The following GSE1 variants were observed in gnomAD, a reference collection of about 807,000 sequenced individuals.
GSE1 encodes the protein genetic suppressor element 1.
GSE1 carries 32 observed loss-of-function variants against 112.6 expected under a neutral mutation model. The ratio of observed to expected loss-of-function variants is 0.28; its 90% CI spans 0.21 to 0.38. The LOEUF (loss-of-function observed/expected upper bound fraction) is 0.38, where lower values mean the gene tolerates loss of function less well. Among genes scored for constraint, GSE1 ranks in the 10% least tolerant of loss-of-function variants. The pLI is 1.00. For missense variants in GSE1, 2,348 were observed against 1,699.2 expected, an observed-to-expected ratio of 1.38 and a Z score of -6.71; for synonymous variants, 1,115 against 735.6, an observed-to-expected ratio of 1.52 and a Z score of -8.35.
intron 3 of GSE1, among the ~76,000 whole-genome samples, chr16:85,650,255 C>A (rs913613283): frequency 6.6e-6 from 1 of 152,148 alleles, no homozygotes; most frequent in Non-Finnish European, 1.5e-5. Flanking sequence ...GGAGTTGTTA[C>A]CAGCTCCGCT....
intron 2 of GSE1, among the ~76,000 whole-genome samples, chr16:85,498,477 G>A (rs556990981): frequency 1.3e-5 from 2 of 152,180 alleles, no homozygotes; most frequent in East Asian, 3.9e-4. Flanking sequence ...ATGCATAGAT[G>A]TGTACACACA....
intron 1 of GSE1, among the ~76,000 whole-genome samples, chr16:85,224,402 A>T (rs570085916): frequency 6.7e-6 from 1 of 150,086 alleles, no homozygotes; most frequent in East Asian, 2.0e-4. Flanking sequence ...TTGGCAGCTG[A>T]TAAACTAATA....
At chr16:85,218,202 C>T (rs778562043) in intron 1 of GSE1, among the ~76,000 whole-genome samples, 14 of 152,100 alleles carry the variant, frequency 9.2e-5, no homozygotes, top group Non-Finnish European at 1.2e-4. Flanking sequence ...ACGCCTGGCT[C>T]GTTTCAGCCT....
chr16:85,659,215 T>C lies in GSE1; in HGVS notation c.1640+1611T>C, dbSNP rs965853812. On this transcript the variant is annotated intron_variant, in intron 8 of 15. Coordinates refer to ENST00000253458, the MANE Select transcript of GSE1 (RefSeq NM_014615.5). The stretch of plus-strand genomic sequence containing the variant: ...TAACTAGGGAGAGCCTTGGTGGCTG[T>C]GTTTAAACAGGGCTCCCGGGGCAGG... Among the ~76,000 whole-genome samples, 20 of 152,166 alleles carry C rather than the reference T, an allele frequency of 1.3e-4. 1 individual carries two copies. Among genetic ancestry groups the C allele is most frequent in the Non-Finnish European group, 2.8e-4 (19 of 68,026 alleles).
intron 1 of GSE1, among the ~76,000 whole-genome samples, chr16:85,205,272 C>T (rs371811392): frequency 6.6e-6 from 1 of 152,124 alleles, no homozygotes; most frequent in Non-Finnish European, 1.5e-5. Context: ...GCTGGAATTA[C>T]AGGTGCCCAC....
intron 2 of GSE1, among the ~76,000 whole-genome samples, chr16:85,518,830 A>G (rs930796081): frequency 6.6e-6 from 1 of 152,094 alleles, no homozygotes; most frequent in Non-Finnish European, 1.5e-5. Context: ...GCACTGTGAG[A>G]TACCCACGCA....
At chr16:85,432,877 ACT>A (rs1333385807) in intron 2 of GSE1, among the ~76,000 whole-genome samples, 12 of 151,748 alleles carry the variant, frequency 7.9e-5, no homozygotes, top group African/African-American at 2.7e-4. Flanking sequence ...CTACCCCGGC[ACT>A]CTCTGCAGCT....
intron 2 of GSE1, among the ~76,000 whole-genome samples, chr16:85,645,339 G>T (rs752046951): frequency 6.6e-6 from 1 of 152,114 alleles, no homozygotes; most frequent in Non-Finnish European, 1.5e-5. Flanking sequence ...ATGTGAACGT[G>T]CCTCTGGGCC....
chr16:85,607,071 G>GGT (rs2047737102), upstream of GSE1, among the ~76,000 whole-genome samples: 1 of 147,030 alleles, frequency 6.8e-6, no homozygotes, highest in African/African-American at 2.5e-5. Context: ...GGGGTGGGGG[G>GGT]GGCGGGAGGG....
chr16:85,231,837 A>G lies in GSE1; in HGVS notation c.2283+60030A>G, dbSNP rs377644841. ...TCTCAGCCTAAAATGATGCCTGGTT[A>G]TCTGAAAAAAGCTAGAAGGCGAGGA... On this transcript the variant is annotated intron_variant, in intron 1 of 2. Transcript: ENST00000637419. 3.9e-5 allele frequency among the ~76,000 whole-genome samples: 6 copies of G among 152,236 alleles called. No homozygotes were observed. The South Asian group carries it at 1.0e-3, about 26-fold the overall frequency.
At chr16:85,371,896 G>A (rs74034706) in intron 2 of GSE1, among the ~76,000 whole-genome samples, 3,950 of 152,310 alleles carry the variant, frequency 0.026, 156 homozygotes, top group African/African-American at 0.09. Flanking sequence ...TCTGGAAGTG[G>A]GAGGAAAAGG....
rs201884979 is a variant in GSE1, at chr16:85,657,355, C to G, written c.1391C>G (p.Thr464Arg). The change falls in exon 8 of 16, where the codon ACG becomes AGG. Residue 464 changes from threonine (T) to arginine (R), a missense_variant. By Grantham distance (71) the Thr-to-Arg change is moderately conservative (BLOSUM62 -1). Coordinates refer to ENST00000253458, the MANE Select transcript of GSE1 (RefSeq NM_014615.5). ...CATCCGGTGCCCACCCCACACCACA[C>G]GGTGCCCAGCCTCATCTCCAACCAT... ...PLHPVPTPHH[T>R]VPSLISNHGI... The G allele has an allele frequency of 1.2e-6, 2 of 1,610,878 alleles. No individual in the cohort carries two copies. The highest frequency in any genetic ancestry group is 1.7e-5 in the Admixed American group (1 of 59,812).
chr16:85,212,597 C>T (rs2075244900), intron 1 of GSE1, among the ~76,000 whole-genome samples: 2 of 152,294 alleles, frequency 1.3e-5, no homozygotes, highest in African/African-American at 4.8e-5. Context: ...ATCCACCCTG[C>T]CCACACATTG....
At chr16:85,521,225 G>A (rs980882745) in intron 2 of GSE1, among the ~76,000 whole-genome samples, 1 of 152,164 alleles carries the variant, frequency 6.6e-6, no homozygotes, top group African/African-American at 2.4e-5. Context: ...AGGCACTGGC[G>A]CCAGGCGTGG....
intron 8 of GSE1, among the ~76,000 whole-genome samples, chr16:85,659,102 A>G (rs2052213962): frequency 6.6e-6 from 1 of 152,246 alleles, no homozygotes; most frequent in African/African-American, 2.4e-5. Flanking sequence ...TGTTTACTTA[A>G]GGACACAGCT....
intron 1 of GSE1, among the ~76,000 whole-genome samples, chr16:85,618,638 A>G (rs970525920): frequency 7.2e-5 from 11 of 152,226 alleles, no homozygotes; most frequent in Non-Finnish European, 5.9e-5. Flanking sequence ...AGGCTCTGCA[A>G]AGCCTTGCGG....
At chr16:85,527,330 C>T (rs183428175) in intron 2 of GSE1, among the ~76,000 whole-genome samples, 12 of 152,358 alleles carry the variant, frequency 7.9e-5, no homozygotes, top group African/African-American at 1.7e-4. Flanking sequence ...CTGCCCCTGC[C>T]GGGAGGGAGG....
chr16:85,592,705 A>C (rs1039306748), intron 1 of GSE1: 1 of 152,244 alleles, frequency 6.6e-6, no homozygotes, highest in Admixed American at 6.5e-5. Context: ...GGGGAGCCTG[A>C]GTTGAAGGCA....
chr16:85,274,759 C>G (rs1325102062), intron 1 of GSE1, among the ~76,000 whole-genome samples: 3 of 152,250 alleles, frequency 2.0e-5, no homozygotes, highest in African/African-American at 7.2e-5. Flanking sequence ...CTGCTTCCAG[C>G]CTGCACGTCC....
Sources: gnomAD v4.1 joint callset for allele counts (sites outside exome capture counted in the v4.1 genomes callset) on GRCh38, gnomAD v4.1.1 for gene constraint, MANE v1.5 for transcripts, NCBI Gene and HGNC (gene_info 2026-07-23, HGNC 2026-07-21) for gene names.